The following FAM13A variants were observed in gnomAD, a reference collection of about 807,000 sequenced individuals.
The protein encoded by FAM13A is family with sequence similarity 13 member A.
A neutral mutation model predicts 129.6 loss-of-function variants in FAM13A; 76 were observed. The ratio of observed to expected loss-of-function variants is 0.59; its 90% confidence interval spans 0.49 to 0.71. FAM13A has a LOEUF of 0.71. Ranked by LOEUF, FAM13A falls within the 30% of genes least tolerant of loss-of-function variation. FAM13A has a pLI of 0.00. For synonymous variants in FAM13A, 443 were observed against 449.9 expected, an observed-to-expected ratio of 0.98 and a Z score of 0.20; for missense variants, 1,108 against 1,249.3, an observed-to-expected ratio of 0.89 and a Z score of 1.70.
intron 3 of FAM13A, among the ~76,000 whole-genome samples, chr4:89,007,205 T>A (rs752874459): frequency 6.6e-6 from 1 of 152,196 alleles, no homozygotes; most frequent in East Asian, 1.9e-4. Context: ...TGGAGCCTAA[T>A]TTTCCTACCC....
intron 1 of FAM13A, 26 bp from the exon 2 acceptor site, chr4:89,029,675 C>T (rs1297501626): frequency 2.6e-6 from 4 of 1,566,702 alleles, no homozygotes; most frequent in Non-Finnish European, 3.4e-6. Flanking sequence ...GAAAAAAGAG[C>T]AGTCAGTCAT....
intron 4 of FAM13A, among the ~76,000 whole-genome samples, chr4:88,939,464 A>G (rs749559947): frequency 9.2e-5 from 14 of 152,200 alleles, no homozygotes; most frequent in Non-Finnish European, 1.8e-4. Context: ...TAATCCTTAT[A>G]TCTCAAGATC....
chr4:88,801,349 C>T (rs74811486), intron 8 of FAM13A, among the ~76,000 whole-genome samples: 6,303 of 152,226 alleles, frequency 0.041, 201 homozygotes, highest in Non-Finnish European at 0.061. Context: ...AAACAGCTAA[C>T]TTAGAAATAA....
intron 4 of FAM13A, among the ~76,000 whole-genome samples, chr4:88,962,161 AAAATG>A (rs567277069): frequency 5.3e-5 from 8 of 152,152 alleles, no homozygotes; most frequent in Non-Finnish European, 1.0e-4. Context: ...GTAAAAAAAA[AAAATG>A]AAATGAAATC....
At chr4:88,788,732 G>T (rs17014569) in intron 9 of FAM13A, among the ~76,000 whole-genome samples, 1,748 of 152,178 alleles carry the variant, frequency 0.011, 33 homozygotes, top group African/African-American at 0.039. Flanking sequence ...GGTATGGAAA[G>T]CTCTTAACTC....
intron 4 of FAM13A, among the ~76,000 whole-genome samples, chr4:88,989,091 C>T (rs1453562771): frequency 6.6e-6 from 1 of 151,064 alleles, no homozygotes; most frequent in African/African-American, 2.4e-5. Flanking sequence ...GCCTATAATC[C>T]CAGCTACTCA....
intron 4 of FAM13A, among the ~76,000 whole-genome samples, chr4:88,954,794 G>A (rs1209544831): frequency 6.6e-6 from 1 of 151,658 alleles, no homozygotes; most frequent in African/African-American, 2.4e-5. Flanking sequence ...GCTGAGGCAG[G>A]AGAACCGCTT....
intron 8 of FAM13A, among the ~76,000 whole-genome samples, chr4:88,801,779 G>A (rs1727503941): frequency 6.6e-6 from 1 of 152,118 alleles, no homozygotes; most frequent in Non-Finnish European, 1.5e-5. Context: ...GATGAAATGG[G>A]ATAAGGATGG....
chr4:89,016,599 T>C (rs192150096), intron 3 of FAM13A, among the ~76,000 whole-genome samples: 1 of 152,134 alleles, frequency 6.6e-6, no homozygotes, highest in Non-Finnish European at 1.5e-5. Context: ...AACAATCTTT[T>C]ATACTATATT....
At chr4:88,763,642 T>C (rs964424160) in intron 13 of FAM13A, among the ~76,000 whole-genome samples, 1 of 152,218 alleles carries the variant, frequency 6.6e-6, no homozygotes, top group African/African-American at 2.4e-5. Context: ...TGGCTTCAAA[T>C]AGTTGGTGAA....
intron 10 of FAM13A, among the ~76,000 whole-genome samples, chr4:88,783,136 A>T (rs1268280464): frequency 6.6e-6 from 1 of 152,054 alleles, no homozygotes; most frequent in African/African-American, 2.4e-5. Flanking sequence ...AAACAATCCA[A>T]TTACACTCTT....
At chr4:88,887,249 T>C (rs567836669) in intron 6 of FAM13A, among the ~76,000 whole-genome samples, 1 of 152,288 alleles carries the variant, frequency 6.6e-6, no homozygotes, top group African/African-American at 2.4e-5. Flanking sequence ...CTTGTTCATG[T>C]AACCAAACAC....
chr4:88,807,210 T>C (rs1356236801), intron 7 of FAM13A, among the ~76,000 whole-genome samples: 1 of 152,184 alleles, frequency 6.6e-6, no homozygotes, highest in African/African-American at 2.4e-5. Flanking sequence ...TGAGAGATGA[T>C]TTAAATGGTT....
chr4:88,816,913 A>T (rs1008306704), intron 7 of FAM13A, among the ~76,000 whole-genome samples: 2 of 152,204 alleles, frequency 1.3e-5, no homozygotes, highest in Non-Finnish European at 2.9e-5. Context: ...CATAATTCTC[A>T]AAAGTTACTT....
At position 88,781,195 on chromosome 4, in the gene FAM13A, A is replaced by G. The variant is rs1169408759; in HGVS notation, c.1428T>C (p.Ser476=). ...PKRQKSSTKL[S]ELHDNQDGLV... ...GACCGTCCTGATTGTCATGAAGCTC[A>G]GAAAGTTTAGTACTGGATTTCTGAC... Residue 476 remains serine (S), a synonymous_variant, in exon 11 of 24, where the codon TCT becomes TCC. Coordinates refer to ENST00000264344, the MANE Select transcript of FAM13A (RefSeq NM_014883.4). 2 of 1,609,332 alleles carry G rather than the reference A, an allele frequency of 1.2e-6. No homozygotes were observed. Among genetic ancestry groups the G allele is most frequent in the Admixed American group, 1.7e-5 (1 of 59,376 alleles).
chr4:88,969,818 G>GC (rs1759832573), intron 4 of FAM13A, among the ~76,000 whole-genome samples: 1 of 152,168 alleles, frequency 6.6e-6, no homozygotes, highest in African/African-American at 2.4e-5. Context: ...CTGTCCTAGG[G>GC]CATAGAGATA....
intron 6 of FAM13A, among the ~76,000 whole-genome samples, chr4:88,875,170 C>T (rs543283529): frequency 6.6e-6 from 1 of 152,262 alleles, no homozygotes; most frequent in Non-Finnish European, 1.5e-5. Context: ...AAATGTTAGA[C>T]CTAAAACCAT....
At chr4:88,894,460 G>A (rs887177759) in intron 6 of FAM13A, among the ~76,000 whole-genome samples, 3 of 152,002 alleles carry the variant, frequency 2.0e-5, no homozygotes, top group African/African-American at 7.2e-5. Flanking sequence ...CATATATTAT[G>A]TATAAGTATA....
intron 7 of FAM13A, among the ~76,000 whole-genome samples, chr4:88,820,411 T>C (rs1731665167): frequency 2.6e-5 from 4 of 152,154 alleles, no homozygotes. Context: ...TTAATTACCT[T>C]AGGATAACTG....
Sources: allele counts gnomAD v4.1 joint callset (sites outside exome capture counted in the v4.1 genomes callset), GRCh38; gene constraint gnomAD v4.1.1; transcripts MANE v1.5; gene names NCBI Gene and HGNC (gene_info 2026-07-23, HGNC 2026-07-21).